The following SLC22A4 variants were observed in gnomAD, a reference collection of about 807,000 sequenced individuals.
The protein encoded by SLC22A4 is ET transporter.
SLC22A4 carries 39 observed loss-of-function variants against 56.6 expected under a neutral mutation model. The observed-to-expected ratio is 0.69, with a 90% confidence interval of 0.53 to 0.90. The LOEUF is 0.90. Among genes scored for constraint, SLC22A4 ranks in the 40% least tolerant of loss-of-function variants. The probability of loss-of-function intolerance (pLI) is 0.00; values close to 1 mark genes in which losing one functional copy is unlikely to be tolerated. For synonymous variants in SLC22A4, 241 were observed against 281.4 expected (o/e 0.86, Z 1.44); for missense variants, 594 against 696.5 (o/e 0.85, Z 1.66).
chr5:132,337,998 G>C (rs1003620295), intron 8 of SLC22A4, among the ~76,000 whole-genome samples: 1 of 151,050 alleles, frequency 6.6e-6, no homozygotes, highest in African/African-American at 2.4e-5. Flanking sequence ...ACCTGCCTTG[G>C]CCTCCCAAAG....
chr5:132,338,814 C>T (rs562006623), intron 8 of SLC22A4, among the ~76,000 whole-genome samples: 4 of 152,266 alleles, frequency 2.6e-5, no homozygotes, highest in African/African-American at 4.8e-5. Flanking sequence ...GCCCAGATTT[C>T]GTATTGTTCA....
chr5:132,327,222 T>C, intron 4 of SLC22A4, 55 bp from the exon 5 acceptor site: 1 of 1,351,786 alleles, frequency 7.4e-7, no homozygotes, highest in Non-Finnish European at 1.0e-6. Context: ...TCAGATTTAA[T>C]AGTATCCAGC....
At chr5:132,339,652 G>T (rs1463411221) in intron 8 of SLC22A4, among the ~76,000 whole-genome samples, 1 of 152,050 alleles carries the variant, frequency 6.6e-6, no homozygotes. Flanking sequence ...TTTTCCCTTT[G>T]TCCTTCCCTG....
rs66717474 is a variant in SLC22A4, at chr5:132,337,269, CTTT to C, written c.1444+1290_1444+1292del. On this transcript the variant is annotated intron_variant, in intron 8 of 9. Coordinates refer to ENST00000200652, the MANE Select transcript of SLC22A4 (RefSeq NM_003059.3). Reference sequence around the variant, plus strand: ...TAATCTCACCAACAATAAAGATTACCTTTTTTTTTTTTTTTTTTTTTTTCTGAG... The same window carrying C: ...TAATCTCACCAACAATAAAGATTACCTTTTTTTTTTTTTTTTTTTTCTGAG... Among the ~76,000 whole-genome samples the C allele has an allele frequency of 3.1e-4, 15 of 48,240 alleles. 2 individuals are homozygous for C. Among genetic ancestry groups the C allele is most frequent in the Admixed American group, 1.1e-3 (5 of 4,652 alleles). The allele number at this position is 48,240 out of a possible 152,430, so 31.6% of individuals were successfully genotyped here. A position where few individuals can be genotyped will look rare whatever the true frequency, so the allele number is the denominator to read the frequency against.
intron 2 of SLC22A4, among the ~76,000 whole-genome samples, 163 bp from the exon 3 acceptor site, chr5:132,313,451 G>A (rs1052660686): frequency 6.6e-6 from 1 of 152,196 alleles, no homozygotes; most frequent in African/African-American, 2.4e-5. Context: ...GCAGATGGAT[G>A]CCTGAGACCT....
intron 5 of SLC22A4, among the ~76,000 whole-genome samples, chr5:132,327,961 C>G (rs949451413): frequency 5.9e-5 from 9 of 152,240 alleles, no homozygotes; most frequent in Admixed American, 2.6e-4. Context: ...CCTGACAGTT[C>G]GTGAGGATAT....
At chr5:132,299,746 G>A (rs1053437978) in intron 1 of SLC22A4, among the ~76,000 whole-genome samples, 7 of 152,268 alleles carry the variant, frequency 4.6e-5, no homozygotes, top group South Asian at 2.1e-4. Context: ...GAGCCACCGC[G>A]CCTGGCGATT....
chr5:132,340,898 C>G (rs1751198090), intron 9 of SLC22A4, among the ~76,000 whole-genome samples, 198 bp downstream of exon 9: 1 of 149,816 alleles, frequency 6.7e-6, no homozygotes, highest in Non-Finnish European at 1.5e-5. Context: ...GGTGGATCAC[C>G]TGAGGTCAGG....
intron 1 of SLC22A4, among the ~76,000 whole-genome samples, chr5:132,301,715 C>T (rs1409328566): frequency 6.6e-6 from 1 of 152,224 alleles, no homozygotes; most frequent in East Asian, 1.9e-4. Context: ...TCACATGCGG[C>T]TGCCACTATG....
intron 6 of SLC22A4, among the ~76,000 whole-genome samples, chr5:132,332,730 GCACACACA>G (rs3840351): frequency 0.029 from 4,174 of 145,720 alleles, 196 homozygotes; most frequent in African/African-American, 0.099. Flanking sequence ...TATGATGGCA[GCACACACA>G]CACACACACA....
intron 5 of SLC22A4, 69 bp from the exon 6 acceptor site, chr5:132,331,687 G>A: frequency 1.8e-6 from 2 of 1,094,608 alleles, no homozygotes; most frequent in South Asian, 2.5e-5. Flanking sequence ...TTTTCCCCAT[G>A]CATCATAGCC....
chr5:132,301,192 T>G (rs1360642121), intron 1 of SLC22A4, among the ~76,000 whole-genome samples: 1 of 152,238 alleles, frequency 6.6e-6, no homozygotes, highest in Non-Finnish European at 1.5e-5. Context: ...CTCAAGCATG[T>G]CCTCTTCTCC....
chr5:132,340,478 C>G (rs752367952), intron 8 of SLC22A4, 87 bp from the exon 9 acceptor site: 1 of 1,236,724 alleles, frequency 8.1e-7, no homozygotes, highest in Non-Finnish European at 1.2e-6. Flanking sequence ...TTCTCTTATA[C>G]TGTTCACCAA....
At chr5:132,338,301 G>C (rs1271865969) in intron 8 of SLC22A4, among the ~76,000 whole-genome samples, 1 of 152,120 alleles carries the variant, frequency 6.6e-6, no homozygotes, top group Non-Finnish European at 1.5e-5. Context: ...ATAGGGTGTA[G>C]GTCACAGAGA....
intron 1 of SLC22A4, chr5:132,311,268 C>G (rs1750172728): frequency 6.6e-6 from 1 of 152,188 alleles, no homozygotes; most frequent in Admixed American, 6.5e-5. Context: ...AACCCAAGCC[C>G]AAAGTGCTCA....
At chr5:132,337,741 T>C (rs1751070538) in intron 8 of SLC22A4, among the ~76,000 whole-genome samples, 1 of 143,186 alleles carries the variant, frequency 7.0e-6, no homozygotes, top group African/African-American at 2.7e-5. Flanking sequence ...CTTTGCCCCT[T>C]TTTTTTTTTT....
chr5:132,319,662 G>A (rs558301050), intron 3 of SLC22A4, among the ~76,000 whole-genome samples: 4 of 152,088 alleles, frequency 2.6e-5, no homozygotes, highest in Non-Finnish European at 5.9e-5. Context: ...GCATGATCTC[G>A]GCTCACTGCA....
chr5:132,324,341 G>C, intron 4 of SLC22A4: 1 of 356,830 alleles, frequency 2.8e-6, no homozygotes, highest in Non-Finnish European at 5.6e-6. Flanking sequence ...AGCGAGGAAC[G>C]AACAGCTCTG....
chr5:132,314,473 C>T (rs1750276426), intron 3 of SLC22A4, among the ~76,000 whole-genome samples: 1 of 152,190 alleles, frequency 6.6e-6, no homozygotes, highest in Non-Finnish European at 1.5e-5. Context: ...AGTGTGTTCT[C>T]TTGAGCCCAG....
Sources: gnomAD v4.1 joint callset for allele counts (sites outside exome capture counted in the v4.1 genomes callset) on GRCh38, gnomAD v4.1.1 for gene constraint, MANE v1.5 for transcripts, NCBI Gene and HGNC (gene_info 2026-07-23, HGNC 2026-07-21) for gene names.